NBEA: variants seen among roughly 807,000 people sequenced by gnomAD.
NBEA encodes lysosomal-trafficking regulator 2.
NBEA carries 44 observed loss-of-function variants against 343.4 expected under a neutral mutation model. The observed-to-expected ratio is 0.13, with a 90% CI of 0.10 to 0.16. NBEA has a LOEUF of 0.16. Among genes scored for constraint, NBEA ranks in the 10% least tolerant of loss-of-function variants. The pLI is 1.00. For synonymous variants in NBEA, 1,175 were observed against 1,238.7 expected (o/e 0.95, Z 1.08); for missense variants, 2,555 against 3,631.3 (o/e 0.70, Z 7.62).
At chr13:35,552,420 A>AT (rs1466347750) in intron 43 of NBEA, among the ~76,000 whole-genome samples, 155 of 141,080 alleles carry the variant, frequency 1.1e-3, no homozygotes, top group Non-Finnish European at 1.9e-3. Flanking sequence ...ACAAGATTAA[A>AT]CTAAGATATT....
intron 18 of NBEA, among the ~76,000 whole-genome samples, chr13:35,151,467 C>T (rs773688937): frequency 8.7e-5 from 13 of 148,678 alleles, no homozygotes; most frequent in South Asian, 2.1e-4. Context: ...CGCTTGAACC[C>T]GGGAGGTGGA....
intron 2 of NBEA, 118 bp from the exon 3 acceptor site, chr13:35,044,829 T>G (rs74051221): frequency 0.13 from 48,164 of 379,354 alleles, 2,403 homozygotes; most frequent in East Asian, 0.27. Flanking sequence ...TATATATATA[T>G]AGAGAGAGAG....
chr13:35,378,643 A>AT (rs970891054), intron 38 of NBEA, among the ~76,000 whole-genome samples: 4 of 151,924 alleles, frequency 2.6e-5, no homozygotes, highest in Non-Finnish European at 5.9e-5. Context: ...GGCATGACTG[A>AT]TTTTTTTCCT....
chr13:35,444,469 C>T (rs888417410), intron 39 of NBEA, among the ~76,000 whole-genome samples: 4 of 151,848 alleles, frequency 2.6e-5, no homozygotes, highest in African/African-American at 9.7e-5. Flanking sequence ...ACATTTTATT[C>T]TACTAAAAGA....
chr13:35,588,475 G>C (rs1364338836), intron 46 of NBEA, among the ~76,000 whole-genome samples: 1 of 152,060 alleles, frequency 6.6e-6, no homozygotes, highest in South Asian at 2.1e-4. Context: ...CATTAAACTT[G>C]TTATTTGTTT....
At chr13:35,561,694 C>A (rs977151242) in intron 44 of NBEA, among the ~76,000 whole-genome samples, 1 of 152,104 alleles carries the variant, frequency 6.6e-6, no homozygotes, top group Non-Finnish European at 1.5e-5. Flanking sequence ...GTCTCAGTAT[C>A]ATAGTATTAA....
chr13:35,612,436 A>T (rs1316237905), intron 48 of NBEA, among the ~76,000 whole-genome samples: 1 of 152,054 alleles, frequency 6.6e-6, no homozygotes, highest in Non-Finnish European at 1.5e-5. Context: ...CTGGCCTACA[A>T]TTTTAATATA....
chr13:35,295,797 C>T (rs185389526), intron 35 of NBEA, among the ~76,000 whole-genome samples: 28 of 152,108 alleles, frequency 1.8e-4, no homozygotes, highest in African/African-American at 6.5e-4. Flanking sequence ...TTACAGCATT[C>T]CTGGATGAAA....
At chr13:35,400,322 TC>T (rs1337998824) in intron 38 of NBEA, among the ~76,000 whole-genome samples, 1 of 151,874 alleles carries the variant, frequency 6.6e-6, no homozygotes, top group African/African-American at 2.4e-5. Context: ...GAGCCTCCTT[TC>T]CTTATCTATG....
chr13:35,176,136 A>G (rs141078416), intron 27 of NBEA, among the ~76,000 whole-genome samples: 1 of 152,140 alleles, frequency 6.6e-6, no homozygotes, highest in Non-Finnish European at 1.5e-5. Flanking sequence ...TGTAATGGAA[A>G]CCAAATACTA....
intron 38 of NBEA, among the ~76,000 whole-genome samples, chr13:35,423,923 G>A (rs1359296357): frequency 6.6e-6 from 1 of 152,132 alleles, no homozygotes; most frequent in Non-Finnish European, 1.5e-5. Flanking sequence ...TTGTGAATGC[G>A]AGTTCACTCA....
intron 16 of NBEA, among the ~76,000 whole-genome samples, 170 bp downstream of exon 16, chr13:35,118,644 G>A (rs2066628807): frequency 6.6e-6 from 1 of 152,106 alleles, no homozygotes. Flanking sequence ...AACTGATGAA[G>A]TGTATAAACA....
chr13:35,124,653 C>T (rs2786227), intron 17 of NBEA, among the ~76,000 whole-genome samples: 113,935 of 149,096 alleles, frequency 0.76, 43,287 homozygotes, highest in Middle Eastern at 0.82. Flanking sequence ...TATGGATATA[C>T]ACACACATAT....
At chr13:35,621,834 A>C (rs774350351) in intron 48 of NBEA, among the ~76,000 whole-genome samples, 1 of 152,202 alleles carries the variant, frequency 6.6e-6, no homozygotes, top group Non-Finnish European at 1.5e-5. Context: ...GGGAAATGCA[A>C]GATAAGAATT....
At chr13:35,072,812 C>T (rs1165989376) in intron 10 of NBEA, among the ~76,000 whole-genome samples, 2 of 152,176 alleles carry the variant, frequency 1.3e-5, no homozygotes. Flanking sequence ...ATTCACCTGC[C>T]TTGGCATCCC....
intron 42 of NBEA, 73 bp from the exon 43 acceptor site, chr13:35,550,857 A>T (rs2079285691): frequency 7.9e-6 from 7 of 886,686 alleles, no homozygotes; most frequent in Non-Finnish European, 1.2e-5. Flanking sequence ...AGGCACTTGA[A>T]GATGACTTGT....
intron 33 of NBEA, among the ~76,000 whole-genome samples, chr13:35,225,003 T>C (rs1241205313): frequency 6.6e-6 from 1 of 152,198 alleles, no homozygotes; most frequent in African/African-American, 2.4e-5. Flanking sequence ...TAAATTTCTC[T>C]ACTTTTACTT....
At chr13:35,059,880 G>A (rs925376240) in intron 8 of NBEA, among the ~76,000 whole-genome samples, 2 of 151,428 alleles carry the variant, frequency 1.3e-5, no homozygotes, top group African/African-American at 2.4e-5. Context: ...TTATTTTTAT[G>A]TCAAGGTAAC....
chr13:35,283,430 G>A (rs1054656832), intron 34 of NBEA, among the ~76,000 whole-genome samples: 1 of 152,086 alleles, frequency 6.6e-6, no homozygotes, highest in Non-Finnish European at 1.5e-5. Context: ...ATTGATTTCA[G>A]TTCTTCCAAA....
Sources: allele counts gnomAD v4.1 joint callset (sites outside exome capture counted in the v4.1 genomes callset), GRCh38; gene constraint gnomAD v4.1.1; transcripts MANE v1.5; gene names NCBI Gene and HGNC (gene_info 2026-07-23, HGNC 2026-07-21).